Variants in COMMD1 observed in about 807,000 individuals in gnomAD.
COMMD1 encodes COMM domain-containing protein 1.
A neutral mutation model predicts 17.2 loss-of-function variants in COMMD1; 10 were observed. The ratio of observed to expected loss-of-function variants is 0.58; its 90% CI spans 0.36 to 0.99. The LOEUF is 0.99. Among genes scored for constraint, COMMD1 ranks in the 50% least tolerant of loss-of-function variants. The pLI, the probability that COMMD1 is intolerant of heterozygous loss-of-function variation, is 0.01. For synonymous variants in COMMD1, 97 were observed against 91.6 expected (o/e 1.06, Z -0.34); for missense variants, 270 against 231.8 (o/e 1.17, Z -1.07).
intron 1 of COMMD1, among the ~76,000 whole-genome samples, chr2:61,924,981 G>A (rs1231962415): frequency 3.3e-5 from 5 of 152,186 alleles, no homozygotes; most frequent in Non-Finnish European, 5.9e-5. Flanking sequence ...GCCCTTGGCC[G>A]AGTGCTGGGT....
intron 1 of COMMD1, among the ~76,000 whole-genome samples, chr2:61,918,373 A>G (rs1446908339): frequency 6.6e-6 from 1 of 152,240 alleles, no homozygotes; most frequent in Non-Finnish European, 1.5e-5. Context: ...AAGAATAGAC[A>G]AATGACTGAT....
chr2:62,109,109 G>T (rs963322477), intron 2 of COMMD1, among the ~76,000 whole-genome samples: 2 of 152,240 alleles, frequency 1.3e-5, no homozygotes, highest in Non-Finnish European at 2.9e-5. Context: ...GAAGAACAGA[G>T]ATTATCAAGG....
intron 1 of COMMD1, among the ~76,000 whole-genome samples, chr2:61,890,784 G>A (rs1287371604): frequency 6.9e-6 from 1 of 144,238 alleles, no homozygotes; most frequent in Non-Finnish European, 1.5e-5. Flanking sequence ...CCGAGATTGC[G>A]CCACTGCACT....
intron 1 of COMMD1, among the ~76,000 whole-genome samples, chr2:61,950,294 G>A (rs1671018251): frequency 6.6e-6 from 1 of 152,162 alleles, no homozygotes; most frequent in Admixed American, 6.5e-5. Flanking sequence ...TGACAAATCT[G>A]TTGGGAGGAA....
At chr2:61,916,344 C>G (rs182152177) in intron 1 of COMMD1, among the ~76,000 whole-genome samples, 10 of 152,256 alleles carry the variant, frequency 6.6e-5, no homozygotes, top group Admixed American at 5.9e-4. Flanking sequence ...CAATATACTA[C>G]TATGTTTAGC....
At chr2:62,085,221 A>ATTTTTTTTTTTTTTTTTTT (rs36006181) in intron 2 of COMMD1, among the ~76,000 whole-genome samples, 1 of 144,414 alleles carries the variant, frequency 6.9e-6, no homozygotes, top group African/African-American at 2.6e-5. Context: ...TACAGTTTGA[A>ATTTTTTTTTTTTTTTTTTT]TTTTTTTTTT....
In COMMD1 at chr2:62,135,486, G is replaced by A. The variant is rs146360123; in HGVS notation, c.463-345G>A. Among the ~76,000 whole-genome samples the A allele has an allele frequency of 4.8e-3, 726 of 152,172 alleles. 7 individuals carry two copies. Among genetic ancestry groups the A allele is most frequent in the African/African-American group, 0.017 (691 of 41,522 alleles). On this transcript the variant is annotated intron_variant, in intron 2 of 2. Transcript: ENST00000311832. ...CTGCCTCAGCCTCCTGAGTAGCTGGGACTCACAGGTGCCCGCAACTGCGCC... is the reference window on the plus strand; with the variant it reads ...CTGCCTCAGCCTCCTGAGTAGCTGGAACTCACAGGTGCCCGCAACTGCGCC...
intron 2 of COMMD1, among the ~76,000 whole-genome samples, chr2:62,119,883 TCA>T (rs1672698535): frequency 3.9e-5 from 6 of 152,382 alleles, no homozygotes; most frequent in Admixed American, 6.5e-5. Context: ...CTGTAGATTA[TCA>T]TCCTTAGAAA....
rs545420587 is a variant in COMMD1 at position 62,008,313 on chromosome 2, C to T, written c.462+7331C>T. 4.6e-5 allele frequency among the ~76,000 whole-genome samples: 7 copies of T among 152,176 alleles called. No homozygotes were observed. The East Asian group carries it at 1.4e-3, about 29-fold the overall frequency. On this transcript the variant is annotated intron_variant, in intron 2 of 2. Transcript: ENST00000311832. ...TGTCATAGGGGAAGCAGCAAAGTTG[C>T]GTGCACATGCACACAGACCCACAAT...
chr2:62,076,200 G>A (rs1388368448), intron 2 of COMMD1, among the ~76,000 whole-genome samples: 2 of 150,010 alleles, frequency 1.3e-5, no homozygotes, highest in Non-Finnish European at 2.9e-5. Context: ...TCAAAACACT[G>A]TGTAGATGCA....
At chr2:62,047,852 G>C (rs984656888) in intron 2 of COMMD1, among the ~76,000 whole-genome samples, 2 of 151,922 alleles carry the variant, frequency 1.3e-5, no homozygotes, top group African/African-American at 2.4e-5. Flanking sequence ...TCTATGTTTA[G>C]ATACATAAAA....
At chr2:62,038,475 T>G (rs1670100659) in intron 2 of COMMD1, among the ~76,000 whole-genome samples, 1 of 152,196 alleles carries the variant, frequency 6.6e-6, no homozygotes, top group Non-Finnish European at 1.5e-5. Context: ...TTTCCAATTT[T>G]CTGTTATCTA....
intron 2 of COMMD1, among the ~76,000 whole-genome samples, chr2:62,027,447 AT>A (rs775083498): frequency 1.3e-5 from 2 of 152,150 alleles, no homozygotes; most frequent in Non-Finnish European, 2.9e-5. Context: ...GTTTTCATTC[AT>A]AATTTTTTTG....
At chr2:61,893,245 C>T (rs969977174) in intron 1 of COMMD1, among the ~76,000 whole-genome samples, 83 of 151,818 alleles carry the variant, frequency 5.5e-4, no homozygotes, top group Admixed American at 5.2e-3. Flanking sequence ...TTTTGATTTT[C>T]CTAATTTTCC....
intron 1 of COMMD1, among the ~76,000 whole-genome samples, chr2:61,890,826 CAAAAAAA>C (rs59877732): frequency 3.0e-5 from 3 of 98,966 alleles, no homozygotes; most frequent in Non-Finnish European, 6.1e-5. Context: ...GACTTTGTCT[CAAAAAAA>C]AAAAAAAAAA....
At chr2:62,050,645 G>T (rs1260711463) in intron 2 of COMMD1, among the ~76,000 whole-genome samples, 2 of 152,166 alleles carry the variant, frequency 1.3e-5, no homozygotes, top group East Asian at 3.8e-4. Flanking sequence ...GAGAGATCAA[G>T]GATCACATGC....
chr2:62,000,995 TA>T lies in COMMD1; in HGVS notation c.462+15del. 4.3e-6 allele frequency: 7 copies of T among 1,609,388 alleles called. No homozygotes were observed. The highest frequency in any genetic ancestry group is 5.9e-6 in the Non-Finnish European group (7 of 1,179,426). ...CAAATATGGACAGGTGAGTTAAACT[TA>T]AGTCAATTTTCCTTTGTAAACTGTA... On this transcript the variant is annotated intron_variant, in intron 2 of 2. Coordinates refer to ENST00000311832, the MANE Select transcript of COMMD1 (RefSeq NM_152516.4).
chr2:62,069,754 T>G (rs1223815771), intron 2 of COMMD1: 2 of 152,206 alleles, frequency 1.3e-5, no homozygotes, highest in Admixed American at 6.5e-5. Flanking sequence ...GACTTTTGTC[T>G]TCTCAGTGTA....
chr2:62,019,278 A>G (rs1669548123), intron 2 of COMMD1, among the ~76,000 whole-genome samples: 1 of 151,578 alleles, frequency 6.6e-6, no homozygotes, highest in Non-Finnish European at 1.5e-5. Flanking sequence ...GGTTCAAGCA[A>G]TTCTTCTGCC....
Sources: allele counts gnomAD v4.1 joint callset (sites outside exome capture counted in the v4.1 genomes callset), GRCh38; gene constraint gnomAD v4.1.1; transcripts MANE v1.5; gene names NCBI Gene and HGNC (gene_info 2026-07-23, HGNC 2026-07-21).